The following ZNF562 variants were observed in gnomAD, a reference collection of about 807,000 sequenced individuals.
ZNF562 encodes the protein zinc finger protein 562.
Under a neutral mutation model 17.5 loss-of-function variants are expected in ZNF562, and 13 were observed. That is an observed-to-expected ratio of 0.74 (90% CI 0.48 to 1.18). The LOEUF is 1.18. ZNF562 is among the 50% of genes most tolerant of loss of function. The pLI, the probability that ZNF562 is intolerant of heterozygous loss-of-function variation, is 0.00. For missense variants in ZNF562, 481 were observed against 498.5 expected, an observed-to-expected ratio of 0.96 and a Z score of 0.33; for synonymous variants, 163 against 165.4, an observed-to-expected ratio of 0.99 and a Z score of 0.11.
chr19:9,656,867 C>CAA (rs1358160894), intron 4 of ZNF562, among the ~76,000 whole-genome samples: 2 of 112,952 alleles, frequency 1.8e-5, no homozygotes, highest in African/African-American at 4.0e-5. Context: ...TAGTAAAATA[C>CAA]AAAAATATAT....
At chr19:9,664,623 T>A (rs1224142503) in intron 1 of ZNF562, among the ~76,000 whole-genome samples, 1 of 152,198 alleles carries the variant, frequency 6.6e-6, no homozygotes, top group Admixed American at 6.5e-5. Context: ...ATCTGAGGAC[T>A]TTTGGGTTTC....
intron 1 of ZNF562, among the ~76,000 whole-genome samples, chr19:9,672,388 A>T (rs1336273149): frequency 3.3e-5 from 5 of 152,214 alleles, no homozygotes; most frequent in Non-Finnish European, 5.9e-5. Context: ...CAAGCATCAC[A>T]TGTACAATTT....
At chr19:9,672,264 G>A (rs61580479) in intron 1 of ZNF562, among the ~76,000 whole-genome samples, 16,221 of 152,122 alleles carry the variant, frequency 0.11, 1,240 homozygotes, top group African/African-American at 0.2. Context: ...TAGTTATTAC[G>A]GAAAGTAGAC....
chr19:9,657,634 C>T (rs1242739062), intron 4 of ZNF562, among the ~76,000 whole-genome samples: 1 of 151,152 alleles, frequency 6.6e-6, no homozygotes, highest in Non-Finnish European at 1.5e-5. Flanking sequence ...GCAACCCCTG[C>T]CTCCTGGGTT....
In ZNF562 at chr19:9,669,732, GCGCACACACACACA is replaced by G. The variant is rs1183768707; in HGVS notation, c.-131+5269_-131+5282del. 4.0e-3 allele frequency among the ~76,000 whole-genome samples: 307 copies of G among 76,800 alleles called. 2 individuals carry two copies. The highest frequency in any genetic ancestry group is 0.012 in the African/African-American group (295 of 25,000). 50.4% of individuals were successfully genotyped at this position (76,800 alleles called of 152,430 possible). ...CACGCGCGCGAGCGCGCGCGCGCGC[GCGCACACACACACA>G]CACACACACACACACACACACACAC... is the stretch of plus-strand genomic sequence containing the variant. On this transcript the variant is annotated intron_variant, in intron 1 of 5. Coordinates refer to ENST00000453372, the MANE Select transcript of ZNF562 (RefSeq NM_001130031.2).
At chr19:9,657,467 T>C (rs1047614530) in intron 4 of ZNF562, among the ~76,000 whole-genome samples, 19 of 150,366 alleles carry the variant, frequency 1.3e-4, no homozygotes, top group African/African-American at 3.9e-4. Context: ...TTTGTTTGAC[T>C]AGATGGAAAG....
Position 9,647,972 on chromosome 19 carries a change from T to C in ZNF562, c.*4977A>G, listed in dbSNP as rs2074820450. On this transcript the variant is annotated 3_prime_UTR_variant, in exon 6 of 6. Transcript: ENST00000453372. ...TGTTGCCCAGGCTGGTTTGAACTCC[T>C]TGGCTCAAGGGATCTTTTTGCCTCA... 6.6e-6 allele frequency: 1 copy of C among 152,174 alleles called. No individual in the cohort carries two copies. Among genetic ancestry groups the C allele is most frequent in the African/African-American group, 2.4e-5 (1 of 41,434 alleles). 9.4% of individuals were successfully genotyped at this position (152,174 alleles called of 1,614,324 possible).
chr19:9,655,033 C>T (rs2043410707), intron 5 of ZNF562, among the ~76,000 whole-genome samples: 2 of 152,108 alleles, frequency 1.3e-5, no homozygotes, highest in South Asian at 4.2e-4. Context: ...ACTCTGTCAC[C>T]CAGGCTGGGT....
intron 3 of ZNF562, among the ~76,000 whole-genome samples, chr19:9,659,108 G>C (rs549359263): frequency 4.6e-5 from 7 of 152,338 alleles, no homozygotes; most frequent in East Asian, 1.9e-4. Context: ...TTTATCATCT[G>C]TCACCGCACC....
intron 1 of ZNF562, among the ~76,000 whole-genome samples, chr19:9,670,854 C>T (rs547762528): frequency 5.9e-5 from 9 of 151,982 alleles, no homozygotes; most frequent in East Asian, 1.9e-4. Context: ...AAAAATTAGC[C>T]GGGTGTGGTG....
At chr19:9,657,873 T>A (rs2144985448) in intron 4 of ZNF562, 136 bp downstream of exon 4, 2 of 1,223,546 alleles carry the variant, frequency 1.6e-6, no homozygotes, top group South Asian at 4.2e-5. Context: ...GATTTTTTTT[T>A]AGAGATGAGG....
rs2074821656 is a variant in ZNF562 at position 9,648,106 on chromosome 19, G to C, written c.*4843C>G. ...AGGAACATGCCCCACTACAGTATAT[G>C]ACAGTCATTATATACAAATATCATT... is the stretch of plus-strand genomic sequence containing the variant. On this transcript the variant is annotated 3_prime_UTR_variant, in exon 6 of 6. Transcript: ENST00000453372. 1 of 151,930 alleles carries C rather than the reference G, an allele frequency of 6.6e-6. No homozygotes were observed. Among genetic ancestry groups the C allele is most frequent in the Non-Finnish European group, 1.5e-5 (1 of 67,984 alleles). 9.4% of individuals were successfully genotyped at this position (151,930 alleles called of 1,614,324 possible). A position where few individuals can be genotyped will look rare whatever the true frequency, so the allele number is the denominator to read the frequency against.
At chr19:9,672,930 T>G (rs191521487) in intron 1 of ZNF562, among the ~76,000 whole-genome samples, 1 of 152,058 alleles carries the variant, frequency 6.6e-6, no homozygotes, top group East Asian at 1.9e-4. Flanking sequence ...ATACAATATA[T>G]TTCTCTGAAT....
Position 9,653,045 on chromosome 19 carries a change from T to C in ZNF562, c.1185A>G (p.Thr395=). 1.3e-6 allele frequency: 2 copies of C among 1,598,130 alleles called. No homozygotes were observed. Among genetic ancestry groups the C allele is most frequent in the South Asian group, 2.3e-5 (2 of 88,238 alleles). Residue 395 remains threonine (T), a synonymous_variant, in exon 6 of 6, where the codon ACA becomes ACG. Coordinates refer to ENST00000453372, the MANE Select transcript of ZNF562 (RefSeq NM_001130031.2). The part of the protein sequence containing the change: ...STLTQHRRIH[T]GEKPYECVEC... Reference sequence around the variant, plus strand: ...CAACACATTCATAAGGCTTCTCTCCTGTGTGAATTCTTCTATGTTGAGTAA... The same window carrying C: ...CAACACATTCATAAGGCTTCTCTCCCGTGTGAATTCTTCTATGTTGAGTAA...
intron 1 of ZNF562, among the ~76,000 whole-genome samples, chr19:9,666,707 A>G (rs187817007): frequency 8.5e-5 from 13 of 152,212 alleles, no homozygotes; most frequent in African/African-American, 3.1e-4. Context: ...CAGAACAGAA[A>G]CCACAGAAAT....
intron 1 of ZNF562, among the ~76,000 whole-genome samples, chr19:9,670,160 G>T (rs2044131148): frequency 6.6e-6 from 1 of 151,962 alleles, no homozygotes; most frequent in Non-Finnish European, 1.5e-5. Flanking sequence ...GATCACCTGA[G>T]CCCAGGAAGT....
At chr19:9,658,222 C>A in intron 3 of ZNF562, 87 bp from the exon 4 acceptor site, 1 of 1,479,496 alleles carries the variant, frequency 6.8e-7, no homozygotes, top group Admixed American at 2.2e-5. Flanking sequence ...ACCTTATACT[C>A]ACTTATACGT....
chr19:9,653,859 C>T lies in ZNF562; in HGVS notation c.371G>A (p.Trp124Ter), dbSNP rs1568261658. ...CTCTCCACAATTCTCACAGAGTTTC[C>T]ATCCACTGTAGCTTCTTGTCTGCTG... Reference protein sequence around the residue: ...IQMQTRSYSGWKLCENCGEVF... With the variant: ...IQMQTRSYSG The change falls in exon 6 of 6, where the codon TGG becomes TAG. Residue 124 changes from tryptophan (W) to a stop codon, truncating the protein, a stop_gained. Coordinates refer to ENST00000453372, the MANE Select transcript of ZNF562 (RefSeq NM_001130031.2). LOFTEE classifies it low-confidence loss of function (END_TRUNC). The T allele has an allele frequency of 6.3e-7, 1 of 1,588,338 alleles. No homozygotes were observed. Among genetic ancestry groups the T allele is most frequent in the East Asian group, 2.2e-5 (1 of 44,692 alleles).
chr19:9,666,296 C>A (rs1387965032), intron 1 of ZNF562, among the ~76,000 whole-genome samples: 2 of 147,684 alleles, frequency 1.4e-5, no homozygotes, highest in Non-Finnish European at 1.5e-5. Context: ...GCACTCCAGC[C>A]TGGGCAACAA....
Sources: allele counts gnomAD v4.1 joint callset (sites outside exome capture counted in the v4.1 genomes callset), GRCh38; gene constraint gnomAD v4.1.1; transcripts MANE v1.5; gene names NCBI Gene and HGNC (gene_info 2026-07-23, HGNC 2026-07-21).